ME2: variants seen among roughly 807,000 people sequenced by gnomAD.
ME2 encodes the protein NAD-dependent malic enzyme, mitochondrial.
In ME2, 60 loss-of-function variants were observed where a neutral mutation model predicts 73.7. The observed-to-expected ratio is 0.81, with a 90% CI of 0.66 to 1.01. The LOEUF is 1.01. Among genes scored for constraint, ME2 ranks in the 50% least tolerant of loss-of-function variants. The pLI, the probability that ME2 is intolerant of heterozygous loss-of-function variation, is 0.00. For missense variants in ME2, 594 were observed against 705.5 expected (o/e 0.84, Z 1.79); for synonymous variants, 199 against 236.9 (o/e 0.84, Z 1.47).
intron 3 of ME2, among the ~76,000 whole-genome samples, chr18:50,911,080 G>C (rs1736888688): frequency 6.6e-6 from 1 of 152,204 alleles, no homozygotes; most frequent in Non-Finnish European, 1.5e-5. Context: ...GAGGCACACA[G>C]AAGACTGACT....
chr18:50,915,487 C>A (rs1917263709), intron 4 of ME2: 1 of 151,798 alleles, frequency 6.6e-6, no homozygotes, highest in Admixed American at 6.6e-5. Context: ...GGTGAAAGAG[C>A]AAAACTCCAA....
At position 50,947,437 on chromosome 18, in the gene ME2, G is replaced by C. The variant is rs1918113445; in HGVS notation, c.*253G>C. The C allele has an allele frequency of 2.5e-6, 1 of 398,052 alleles. No homozygotes were observed. The highest frequency in any genetic ancestry group is 4.9e-5 in the South Asian group (1 of 20,554). 24.7% of individuals were successfully genotyped at this position (398,052 alleles called of 1,614,324 possible). ...CATACAGCCCGTACCACATCCAGGA[G>C]ATGTAAAAAGTGTGTTTGTGAATGT... On this transcript the variant is annotated 3_prime_UTR_variant, in exon 16 of 16. Transcript: ENST00000321341.
At chr18:50,923,432 A>G (rs1917473788) in intron 10 of ME2, among the ~76,000 whole-genome samples, 1 of 152,190 alleles carries the variant, frequency 6.6e-6, no homozygotes, top group Non-Finnish European at 1.5e-5. Context: ...AATATTTGAT[A>G]TACGCCATAT....
Position 50,940,340 on chromosome 18 carries a change from C to T in ME2, c.1541C>T (p.Pro514Leu). 2 of 1,611,516 alleles carry T rather than the reference C, an allele frequency of 1.2e-6. No individual in the cohort carries two copies. Among genetic ancestry groups the T allele is most frequent in the Non-Finnish European group, 1.7e-6 (2 of 1,179,456 alleles). ...DEELAQGRLYPPLANIQEVSI... is the reference protein window; with the variant it reads ...DEELAQGRLYLPLANIQEVSI... ...GAGCTAGCCCAAGGGAGACTTTACC[C>T]ACCGCTTGCTAATATTCAGGAAGTT... The change falls in exon 15 of 16, where the codon CCA becomes CTA. Residue 514 changes from proline to leucine, a missense_variant. By Grantham distance (98) the Pro-to-Leu change is moderately conservative. Transcript: ENST00000321341.
Position 50,947,266 on chromosome 18 carries a change from G to T in ME2, c.*82G>T. ...GAAGAGATAATGTCTTCAGTTTTAT[G>T]GTGTTTTCTGTGTTTTGTTCTCCCT... On this transcript the variant is annotated 3_prime_UTR_variant, in exon 16 of 16. Coordinates refer to ENST00000321341, the MANE Select transcript of ME2 (RefSeq NM_002396.5). 7.1e-7 allele frequency: 1 copy of T among 1,414,734 alleles called. No homozygotes were observed. Among genetic ancestry groups the T allele is most frequent in the African/African-American group, 1.4e-5 (1 of 69,366 alleles). 87.6% of individuals were successfully genotyped at this position (1,414,734 alleles called of 1,614,324 possible). A position where few individuals can be genotyped will look rare whatever the true frequency, so the allele number is the denominator to read the frequency against.
Position 50,951,051 on chromosome 18 carries a change from CAT to C in ME2, c.*3869_*3870del, listed in dbSNP as rs1392262913. ...ATTTTTGAACATATTTTTCTGAAAACATAAAAACTAGAGTACTCTTTAATTCT... is the reference window on the plus strand; with the variant it reads ...ATTTTTGAACATATTTTTCTGAAAACAAAAACTAGAGTACTCTTTAATTCT... On this transcript the variant is annotated 3_prime_UTR_variant, in exon 16 of 16. Coordinates refer to ENST00000321341, the MANE Select transcript of ME2 (RefSeq NM_002396.5). The C allele has an allele frequency of 1.3e-5, 2 of 152,212 alleles. No individual in the cohort carries two copies. Among genetic ancestry groups the C allele is most frequent in the African/African-American group, 2.4e-5 (1 of 41,542 alleles). The allele number at this position is 152,212 out of a possible 1,614,324, so 9.4% of individuals were successfully genotyped here.
At chr18:50,902,753 A>G (rs1477871096) in intron 2 of ME2, among the ~76,000 whole-genome samples, 2 of 152,226 alleles carry the variant, frequency 1.3e-5, no homozygotes, top group African/African-American at 4.8e-5. Context: ...TACTTTTAAG[A>G]TTATAACATA....
In ME2 at chr18:50,943,729, A is replaced by G. The variant is rs184027711; in HGVS notation, c.1588-3288A>G. ...CTGGGGGAACAGGTAGGGAAATGGC[A>G]TGGAAGAAAATTTGAAAGTTATATT... On this transcript the variant is annotated intron_variant, in intron 15 of 15. Coordinates refer to ENST00000321341, the MANE Select transcript of ME2 (RefSeq NM_002396.5). Among the ~76,000 whole-genome samples the G allele has an allele frequency of 3.2e-3, 480 of 152,320 alleles. 2 individuals carry two copies. Among genetic ancestry groups the G allele is most frequent in the Non-Finnish European group, 5.6e-3 (382 of 68,026 alleles).
At chr18:50,917,311 T>C in intron 5 of ME2, 36 bp from the exon 6 acceptor site, 3 of 1,568,218 alleles carry the variant, frequency 1.9e-6, no homozygotes, top group Non-Finnish European at 2.6e-6. Context: ...TGCCCCATTT[T>C]TGACAACTTT....
At chr18:50,897,775 G>A (rs1449026238) in intron 2 of ME2, among the ~76,000 whole-genome samples, 21 of 151,926 alleles carry the variant, frequency 1.4e-4, no homozygotes, top group Admixed American at 4.6e-4. Flanking sequence ...CAGGAGAATC[G>A]TTTGAACCCG....
chr18:50,929,890 A>G (rs1310269679), intron 12 of ME2, among the ~76,000 whole-genome samples: 1 of 152,208 alleles, frequency 6.6e-6, no homozygotes, highest in Non-Finnish European at 1.5e-5. Flanking sequence ...TTCGAGTAGT[A>G]GTGGTATATC....
At chr18:50,884,919 A>G (rs1035319719) in intron 1 of ME2, among the ~76,000 whole-genome samples, 9 of 151,778 alleles carry the variant, frequency 5.9e-5, no homozygotes, top group South Asian at 2.1e-4. Flanking sequence ...CAGTGGTGCA[A>G]TCTCGGCTCA....
intron 13 of ME2, among the ~76,000 whole-genome samples, chr18:50,937,472 T>C (rs947335434): frequency 6.6e-6 from 1 of 152,206 alleles, no homozygotes; most frequent in African/African-American, 2.4e-5. Flanking sequence ...TCTCTAGTTC[T>C]TAACTCTTAA....
intron 1 of ME2, among the ~76,000 whole-genome samples, chr18:50,889,878 T>G (rs1419047217): frequency 1.3e-5 from 2 of 152,214 alleles, no homozygotes; most frequent in East Asian, 3.8e-4. Flanking sequence ...ACAGGCCCTT[T>G]TGGAATGTCC....
In ME2 at chr18:50,884,509, G is replaced by A. The variant is rs1267778386; in HGVS notation, c.-13+5201G>A. 3.3e-5 allele frequency among the ~76,000 whole-genome samples: 5 copies of A among 151,920 alleles called. No homozygotes were observed. The South Asian group carries it at 6.2e-4, about 19-fold the overall frequency. On this transcript the variant is annotated intron_variant, in intron 1 of 15. Coordinates refer to ENST00000321341, the MANE Select transcript of ME2 (RefSeq NM_002396.5). ...ACTACAGGCACGCACCACCATGCCC[G>A]GCTAATTTTTGTACTTTTAGTAGAG...
chr18:50,940,248 A>G, intron 14 of ME2, 40 bp from the exon 15 acceptor site: 2 of 1,383,060 alleles, frequency 1.4e-6, no homozygotes, highest in South Asian at 1.2e-5. Context: ...TTATTCTGTT[A>G]TTTAAACAAA....
intron 1 of ME2, among the ~76,000 whole-genome samples, chr18:50,892,922 G>A (rs895731665): frequency 4.6e-5 from 7 of 151,988 alleles, no homozygotes; most frequent in Admixed American, 6.6e-5. Flanking sequence ...TCAGGAGTTC[G>A]AGACCAGCCT....
intron 13 of ME2, among the ~76,000 whole-genome samples, chr18:50,936,926 G>A (rs1917832569): frequency 6.6e-6 from 1 of 151,854 alleles, no homozygotes; most frequent in Non-Finnish European, 1.5e-5. Context: ...GCGAGACCCT[G>A]TCTCAAAAAA....
chr18:50,943,260 T>A (rs1204236478), intron 15 of ME2, among the ~76,000 whole-genome samples: 2 of 152,166 alleles, frequency 1.3e-5, no homozygotes, highest in African/African-American at 4.8e-5. Flanking sequence ...ATACAGTTGA[T>A]CATAAAATTT....
Sources: gnomAD v4.1 joint callset for allele counts (sites outside exome capture counted in the v4.1 genomes callset) on GRCh38, gnomAD v4.1.1 for gene constraint, MANE v1.5 for transcripts, NCBI Gene and HGNC (gene_info 2026-07-23, HGNC 2026-07-21) for gene names.